Variants in EFR3B observed in about 807,000 individuals in gnomAD.
The protein encoded by EFR3B is protein EFR3 homolog B.
EFR3B carries 64 observed loss-of-function variants against 104.7 expected under a neutral mutation model. The ratio of observed to expected loss-of-function variants is 0.61; its 90% CI spans 0.50 to 0.75. The LOEUF (loss-of-function observed/expected upper bound fraction) is 0.75, where lower values mean the gene tolerates loss of function less well. EFR3B is among the 30% of genes least tolerant of loss of function. The pLI is 0.00. For missense variants in EFR3B, 750 were observed against 1,078.5 expected (o/e 0.70, Z 4.27); for synonymous variants, 385 against 417.9 (o/e 0.92, Z 0.96).
chr2:25,132,753 A>G, intron 10 of EFR3B, 150 bp from the exon 11 acceptor site: 1 of 655,950 alleles, frequency 1.5e-6, no homozygotes, highest in Non-Finnish European at 2.6e-6. Context: ...GGAGAGGCCG[A>G]ATCACACCCG....
intron 1 of EFR3B, chr2:25,080,615 T>C (rs944988068): frequency 3.2e-5 from 18 of 563,566 alleles, no homozygotes; most frequent in Non-Finnish European, 5.1e-5. Context: ...ATTATATCTA[T>C]TGAGGCCATG....
intron 19 of EFR3B, among the ~76,000 whole-genome samples, chr2:25,149,240 T>A (rs975959973): frequency 2.6e-5 from 4 of 151,882 alleles, no homozygotes; most frequent in Non-Finnish European, 5.9e-5. Context: ...CCCAGCTACT[T>A]GGGAGGCTGA....
intron 4 of EFR3B, among the ~76,000 whole-genome samples, chr2:25,120,751 G>T (rs1173959141): frequency 6.6e-6 from 1 of 152,216 alleles, no homozygotes; most frequent in Non-Finnish European, 1.5e-5. Context: ...GCAGGACTCA[G>T]TTGAAATTAA....
chr2:25,134,179 T>TA lies in EFR3B; in HGVS notation c.1311+745_1311+746insA, dbSNP rs1558616053. Among the ~76,000 whole-genome samples the TA allele has an allele frequency of 2.1e-3, 209 of 97,710 alleles. 1 individual carries two copies. Among genetic ancestry groups the TA allele is most frequent in the African/African-American group, 5.7e-3 (197 of 34,770 alleles). The allele number at this position is 97,710 out of a possible 152,430, so 64.1% of individuals were successfully genotyped here. ...TTTCACAGTAGGTCTCAGTTTATAT[T>TA]TTTTTTTTTTTTTTTTTGAGATGGA... On this transcript the variant is annotated intron_variant, in intron 12 of 22. Coordinates refer to ENST00000403714, the MANE Select transcript of EFR3B (RefSeq NM_014971.2).
At position 25,128,228 on chromosome 2, in the gene EFR3B, G is replaced by T; in HGVS notation, c.531G>T (p.Lys177Asn). The T allele has an allele frequency of 6.4e-7, 1 of 1,551,774 alleles. No homozygotes were observed. Among genetic ancestry groups the T allele is most frequent in the Non-Finnish European group, 8.7e-7 (1 of 1,147,008 alleles). ...GIKGLQGVVRKTVNDELQANI... is the reference protein window; with the variant it reads ...GIKGLQGVVRNTVNDELQANI... ...AAGGCCTGCAAGGGGTGGTGAGGAAGACGGTGAATGATGAACTGCAGGCCA... is the reference window on the plus strand; with the variant it reads ...AAGGCCTGCAAGGGGTGGTGAGGAATACGGTGAATGATGAACTGCAGGCCA... The change falls in exon 6 of 23, where the codon AAG becomes AAT. Residue 177 changes from lysine (K) to asparagine (N), a missense_variant. Coordinates refer to ENST00000403714, the MANE Select transcript of EFR3B (RefSeq NM_014971.2).
intron 19 of EFR3B, among the ~76,000 whole-genome samples, chr2:25,148,856 A>G (rs996740317): frequency 4.5e-5 from 6 of 132,290 alleles, no homozygotes; most frequent in African/African-American, 1.7e-4. Context: ...CGGGAGGCGG[A>G]GCTTGCAGTG....
intron 4 of EFR3B, among the ~76,000 whole-genome samples, chr2:25,110,882 A>C (rs944831996): frequency 6.6e-5 from 10 of 152,180 alleles, no homozygotes; most frequent in African/African-American, 2.4e-4. Context: ...TTTGTTTTCT[A>C]CATCCCTTAA....
At chr2:25,096,409 C>G (rs1669277889) in intron 3 of EFR3B, among the ~76,000 whole-genome samples, 1 of 152,190 alleles carries the variant, frequency 6.6e-6, no homozygotes, top group Admixed American at 6.5e-5. Context: ...ATGGCAGTAG[C>G]CTTGGACATA....
chr2:25,090,737 C>G (rs933869359), intron 1 of EFR3B, among the ~76,000 whole-genome samples: 3 of 152,260 alleles, frequency 2.0e-5, no homozygotes, highest in East Asian at 3.9e-4. Flanking sequence ...CATAGTTGCA[C>G]ATAACTTTCT....
rs1361648447 is a variant in EFR3B, at chr2:25,073,378, G to A, written c.8-17947G>A. ...TTTAATACTTTTTTTTTTTTTTTTA[G>A]ACAGAGTGTTGCTCTATTACCCAGT... On this transcript the variant is annotated intron_variant, in intron 1 of 22. Transcript: ENST00000403714. 1.5e-4 allele frequency among the ~76,000 whole-genome samples: 19 copies of A among 124,508 alleles called. No homozygotes were observed. The Admixed American group carries it at 1.8e-3, about 12-fold the overall frequency. 81.7% of individuals were successfully genotyped at this position (124,508 alleles called of 152,430 possible).
chr2:25,111,940 G>T (rs996581143), intron 4 of EFR3B, among the ~76,000 whole-genome samples: 2 of 152,232 alleles, frequency 1.3e-5, no homozygotes, highest in Admixed American at 6.5e-5. Flanking sequence ...TAATAAGCGT[G>T]TGCTGTTTTA....
At chr2:25,086,220 A>G (rs1462182220) in intron 1 of EFR3B, among the ~76,000 whole-genome samples, 1 of 152,242 alleles carries the variant, frequency 6.6e-6, no homozygotes, top group Non-Finnish European at 1.5e-5. Context: ...AAGCTGCGGT[A>G]AACATCCACG....
chr2:25,087,134 G>A (rs1668975007), intron 1 of EFR3B, among the ~76,000 whole-genome samples: 1 of 152,064 alleles, frequency 6.6e-6, no homozygotes, highest in Admixed American at 6.6e-5. Context: ...GCAGGGAAAA[G>A]CCCCTCATAA....
At chr2:25,120,142 G>A (rs1669972244) in intron 4 of EFR3B, among the ~76,000 whole-genome samples, 1 of 151,142 alleles carries the variant, frequency 6.6e-6, no homozygotes, top group Non-Finnish European at 1.5e-5. Context: ...ATCACCTGAG[G>A]TCAGGAGTTC....
chr2:25,060,338 GTGTT>G (rs1668154610), intron 1 of EFR3B, among the ~76,000 whole-genome samples: 1 of 152,210 alleles, frequency 6.6e-6, no homozygotes, highest in South Asian at 2.1e-4. Flanking sequence ...CGATGGCTTT[GTGTT>G]AGTCACCTTA....
rs1354884535 is a variant in EFR3B at position 25,080,694 on chromosome 2, A to G, written c.8-10631A>G. 6.3e-6 allele frequency: 5 copies of G among 799,924 alleles called. No individual in the cohort carries two copies. In the African/African-American group the frequency reaches 8.6e-5, roughly 14 times the overall value. 49.6% of individuals were successfully genotyped at this position (799,924 alleles called of 1,614,324 possible). A position where few individuals can be genotyped will look rare whatever the true frequency, so the allele number is the denominator to read the frequency against. On this transcript the variant is annotated intron_variant, in intron 1 of 22. Coordinates refer to ENST00000403714, the MANE Select transcript of EFR3B (RefSeq NM_014971.2). Reference sequence around the variant, plus strand: ...GGCCAATGTAGTTGAGATCTGCCTTAGCAGCGTCTTTGTCATTTTCATCTT... The same window carrying G: ...GGCCAATGTAGTTGAGATCTGCCTTGGCAGCGTCTTTGTCATTTTCATCTT...
At chr2:25,104,291 C>T (rs1054930628) in intron 4 of EFR3B, among the ~76,000 whole-genome samples, 1 of 152,134 alleles carries the variant, frequency 6.6e-6, no homozygotes, top group Non-Finnish European at 1.5e-5. Context: ...ATCACTTGAA[C>T]CCAGGAAGCA....
chr2:25,095,363 A>G (rs1482551074), intron 3 of EFR3B, among the ~76,000 whole-genome samples: 1 of 152,162 alleles, frequency 6.6e-6, no homozygotes, highest in East Asian at 1.9e-4. Context: ...TAAAAAATCA[A>G]CAACAACAAC....
intron 6 of EFR3B, among the ~76,000 whole-genome samples, chr2:25,129,274 G>C (rs1670258017): frequency 6.7e-6 from 1 of 148,422 alleles, no homozygotes; most frequent in Admixed American, 6.9e-5. Flanking sequence ...CACTAGGCTA[G>C]TTAGGTCGGT....
Sources: allele counts gnomAD v4.1 joint callset (sites outside exome capture counted in the v4.1 genomes callset), GRCh38; gene constraint gnomAD v4.1.1; transcripts MANE v1.5; gene names NCBI Gene and HGNC (gene_info 2026-07-23, HGNC 2026-07-21).